The following XKR6 variants were observed in gnomAD, a reference collection of about 807,000 sequenced individuals.
XKR6 encodes the protein XK related 6.
Under a neutral mutation model 56.7 loss-of-function variants are expected in XKR6, and 22 were observed. The ratio of observed to expected loss-of-function variants is 0.39; its 90% CI spans 0.28 to 0.55. XKR6 has a LOEUF of 0.55. Ranked by LOEUF, XKR6 falls within the 20% of genes least tolerant of loss-of-function variation. The pLI, the probability that XKR6 is intolerant of heterozygous loss-of-function variation, is 0.66. For synonymous variants in XKR6, 524 were observed against 387.8 expected (o/e 1.35, Z -4.13); for missense variants, 852 against 889.0 (o/e 0.96, Z 0.53).
At chr8:10,976,129 T>C (rs1316972017) in intron 1 of XKR6, among the ~76,000 whole-genome samples, 1 of 151,294 alleles carries the variant, frequency 6.6e-6, no homozygotes, top group Non-Finnish European at 1.5e-5. Flanking sequence ...TGAGCCGAGA[T>C]CGTGCCACTG....
chr8:10,964,498 G>C (rs753015604), intron 1 of XKR6, among the ~76,000 whole-genome samples: 1 of 152,142 alleles, frequency 6.6e-6, no homozygotes, highest in Admixed American at 6.5e-5. Flanking sequence ...CATTCTCCAA[G>C]GGGAGCCCAA....
At chr8:11,116,698 T>C (rs996950313) in intron 1 of XKR6, among the ~76,000 whole-genome samples, 14 of 152,218 alleles carry the variant, frequency 9.2e-5, no homozygotes, top group African/African-American at 2.7e-4. Context: ...TGGCAAGAAC[T>C]AAAAGCAGCT....
chr8:10,927,055 G>T (rs1368171865), intron 1 of XKR6, among the ~76,000 whole-genome samples: 1 of 152,208 alleles, frequency 6.6e-6, no homozygotes, highest in Non-Finnish European at 1.5e-5. Flanking sequence ...CTGAGGAGAG[G>T]ACTGCCTGGA....
chr8:10,920,090 C>T (rs1441478238), intron 2 of XKR6, among the ~76,000 whole-genome samples: 1 of 152,000 alleles, frequency 6.6e-6, no homozygotes, highest in African/African-American at 2.4e-5. Context: ...ATTGGCAAAT[C>T]CATGCAAAAC....
rs115752797 is a variant in XKR6 at position 11,000,317 on chromosome 8, G to C, written c.765-75487C>G. Among the ~76,000 whole-genome samples the C allele has an allele frequency of 4.9e-3, 751 of 152,292 alleles. 3 individuals are homozygous for C. The highest frequency in any genetic ancestry group is 0.018 in the African/African-American group (729 of 41,560). On this transcript the variant is annotated intron_variant, in intron 1 of 2. Transcript: ENST00000416569. ...ACAGTTTGCAAGGCTGAAATGGTGTGCAAAGGAGAAACAAGTAGCAATGCA... is the reference window on the plus strand; with the variant it reads ...ACAGTTTGCAAGGCTGAAATGGTGTCCAAAGGAGAAACAAGTAGCAATGCA...
At chr8:11,024,212 TG>T (rs1798811467) in intron 1 of XKR6, among the ~76,000 whole-genome samples, 1 of 68,298 alleles carries the variant, frequency 1.5e-5, no homozygotes, top group South Asian at 3.7e-4. Flanking sequence ...GAGGTGTGTG[TG>T]TGTGTGTGTG....
Position 11,201,466 on chromosome 8 carries a change from A to T in XKR6, c.-127T>A, listed in dbSNP as rs1757538544. The T allele has an allele frequency of 4.0e-6, 2 of 500,772 alleles. No homozygotes were observed. The highest frequency in any genetic ancestry group is 7.0e-6 in the Non-Finnish European group (2 of 287,332). 31.0% of individuals were successfully genotyped at this position (500,772 alleles called of 1,614,324 possible). ...GGGGGCGGGGAGGAAGCGGGGGAGC[A>T]AACGAACGAGGGGGGAGTGGGCCAG... On this transcript the variant is annotated 5_prime_UTR_variant, in exon 1 of 3. Transcript: ENST00000416569.
chr8:10,912,851 T>C (rs1166405671), intron 2 of XKR6, among the ~76,000 whole-genome samples: 1 of 122,936 alleles, frequency 8.1e-6, no homozygotes, highest in Admixed American at 7.8e-5. Context: ...GAGAAAGAGA[T>C]AGGGTGTGTG....
At chr8:11,039,422 C>A (rs1799228495) in intron 1 of XKR6, among the ~76,000 whole-genome samples, 1 of 152,234 alleles carries the variant, frequency 6.6e-6, no homozygotes, top group South Asian at 2.1e-4. Flanking sequence ...CCAAGGCCAG[C>A]CTTTCCCTGC....
chr8:10,984,660 AT>A (rs35895653), intron 1 of XKR6, among the ~76,000 whole-genome samples: 1 of 148,344 alleles, frequency 6.7e-6, no homozygotes, highest in Non-Finnish European at 1.5e-5. Context: ...TGAAAACAAC[AT>A]TTTTTAAAAG....
chr8:11,028,570 A>G (rs985434554), intron 1 of XKR6, among the ~76,000 whole-genome samples: 4 of 152,190 alleles, frequency 2.6e-5, no homozygotes, highest in Non-Finnish European at 5.9e-5. Flanking sequence ...GAGGCATGCT[A>G]CTTTGATGAG....
intron 1 of XKR6, among the ~76,000 whole-genome samples, chr8:11,071,442 A>T (rs774588508): frequency 1.4e-5 from 2 of 146,726 alleles, no homozygotes; most frequent in Non-Finnish European, 3.0e-5. Context: ...GGTTTCATAC[A>T]ACCTCATTTT....
intron 1 of XKR6, among the ~76,000 whole-genome samples, chr8:10,955,822 C>T (rs1026566266): frequency 2.0e-5 from 3 of 152,192 alleles, no homozygotes; most frequent in Non-Finnish European, 4.4e-5. Context: ...GAGATCCAGG[C>T]CCACACTGGA....
chr8:11,026,986 C>A (rs1326532010), intron 1 of XKR6, among the ~76,000 whole-genome samples: 1 of 152,162 alleles, frequency 6.6e-6, no homozygotes, highest in Non-Finnish European at 1.5e-5. Context: ...CTACTACACA[C>A]CTAGATGGTC....
At chr8:11,029,771 C>T (rs943548284) in intron 1 of XKR6, among the ~76,000 whole-genome samples, 1 of 152,094 alleles carries the variant, frequency 6.6e-6, no homozygotes, top group Non-Finnish European at 1.5e-5. Context: ...TAGCCAGTCC[C>T]CTGGAACCCA....
At chr8:10,956,996 G>C (rs2129128940) in intron 1 of XKR6, among the ~76,000 whole-genome samples, 1 of 152,176 alleles carries the variant, frequency 6.6e-6, no homozygotes, top group African/African-American at 2.4e-5. Flanking sequence ...TGTCACCCAG[G>C]CTTGAGTGCA....
intron 1 of XKR6, among the ~76,000 whole-genome samples, chr8:10,999,394 C>T (rs760968760): frequency 3.3e-5 from 5 of 152,206 alleles, no homozygotes; most frequent in Non-Finnish European, 5.9e-5. Context: ...AATATGTTCT[C>T]ATTAATGTGA....
chr8:11,100,806 T>G (rs1334840019), intron 1 of XKR6, among the ~76,000 whole-genome samples: 2 of 152,252 alleles, frequency 1.3e-5, no homozygotes, highest in African/African-American at 4.8e-5. Context: ...TGGCTATGAT[T>G]TGTCCCAATC....
At chr8:11,186,182 G>GC (rs976047498) in intron 1 of XKR6, among the ~76,000 whole-genome samples, 41 of 151,252 alleles carry the variant, frequency 2.7e-4, no homozygotes, top group Non-Finnish European at 7.4e-5. Flanking sequence ...ACACATTCAT[G>GC]CCCCCCCATC....
Sources: gnomAD v4.1 joint callset for allele counts (sites outside exome capture counted in the v4.1 genomes callset) on GRCh38, gnomAD v4.1.1 for gene constraint, MANE v1.5 for transcripts, NCBI Gene and HGNC (gene_info 2026-07-23, HGNC 2026-07-21) for gene names.